The following MTF1 variants were observed in gnomAD, a reference collection of about 807,000 sequenced individuals.
MTF1 encodes metal regulatory transcription factor 1.
A neutral mutation model predicts 70.4 loss-of-function variants in MTF1; 22 were observed. That is an observed-to-expected ratio of 0.31 (90% CI 0.22 to 0.45). The LOEUF is 0.45. Ranked by LOEUF, MTF1 falls within the 20% of genes least tolerant of loss-of-function variation. The pLI is 1.00. For synonymous variants in MTF1, 333 were observed against 352.8 expected, an observed-to-expected ratio of 0.94 and a Z score of 0.63; for missense variants, 649 against 922.0, an observed-to-expected ratio of 0.70 and a Z score of 3.83.
intron 7 of MTF1, among the ~76,000 whole-genome samples, chr1:37,827,632 G>C (rs1351632749): frequency 2.0e-5 from 3 of 151,866 alleles, no homozygotes; most frequent in Non-Finnish European, 4.4e-5. Context: ...AAAGTGCTGG[G>C]ATTACAGGCG....
rs1406331409 is a variant in MTF1 at position 37,811,529 on chromosome 1, G to A, written c.*3607C>T. Reference sequence around the variant, plus strand: ...ACACACAAAAGAAATTGCAGCAATCGGGTTAAAGATAAAATAACCTAAAGT... The same window carrying A: ...ACACACAAAAGAAATTGCAGCAATCAGGTTAAAGATAAAATAACCTAAAGT... On this transcript the variant is annotated 3_prime_UTR_variant, in exon 11 of 11. Transcript: ENST00000373036. The A allele has an allele frequency of 1.3e-5, 2 of 152,442 alleles. No individual in the cohort carries two copies. Among genetic ancestry groups the A allele is most frequent in the African/African-American group, 4.8e-5 (2 of 41,404 alleles). The allele number at this position is 152,442 out of a possible 1,614,324, so 9.4% of individuals were successfully genotyped here.
chr1:37,823,209 G>A (rs1640945601), intron 8 of MTF1, among the ~76,000 whole-genome samples: 1 of 152,064 alleles, frequency 6.6e-6, no homozygotes, highest in South Asian at 2.1e-4. Flanking sequence ...GCTGAGGCGG[G>A]TGGATTGCCT....
intron 3 of MTF1, 138 bp from the exon 4 acceptor site, chr1:37,838,894 T>C (rs1641213972): frequency 3.3e-6 from 2 of 611,022 alleles, no homozygotes; most frequent in African/African-American, 1.8e-5. Context: ...AACCTCCTCC[T>C]GCTAGGTTCA....
intron 4 of MTF1, 107 bp from the exon 5 acceptor site, chr1:37,835,851 A>C: frequency 1.1e-6 from 1 of 908,446 alleles, no homozygotes; most frequent in Non-Finnish European, 1.7e-6. Context: ...CCAAGGCTGG[A>C]GTGCAGTGGC....
In MTF1 at chr1:37,826,589, G is replaced by A. The variant is rs1384945183; in HGVS notation, c.1069-2777C>T. The A allele has an allele frequency of 1.1e-5, 5 of 453,940 alleles. 1 individual carries two copies. The highest frequency in any genetic ancestry group is 4.7e-5 in the Admixed American group (2 of 42,222). 28.1% of individuals were successfully genotyped at this position (453,940 alleles called of 1,614,324 possible). A position where few individuals can be genotyped will look rare whatever the true frequency, so the allele number is the denominator to read the frequency against. Reference sequence around the variant, plus strand: ...CCACCAGCTGATGATTCTCTTCTACGTCTATCAGCTGAAGGAGGGGAAATT... The same window carrying A: ...CCACCAGCTGATGATTCTCTTCTACATCTATCAGCTGAAGGAGGGGAAATT... On this transcript the variant is annotated intron_variant, in intron 7 of 10. Coordinates refer to ENST00000373036, the MANE Select transcript of MTF1 (RefSeq NM_005955.3).
chr1:37,859,159 C>A (rs1488026116), intron 1 of MTF1, among the ~76,000 whole-genome samples: 1 of 152,156 alleles, frequency 6.6e-6, no homozygotes, highest in Non-Finnish European at 1.5e-5. Context: ...TCGGCGGCAA[C>A]GCGGAGACCA....
In MTF1 at chr1:37,813,747, T is replaced by C. The variant is rs989660621; in HGVS notation, c.*1389A>G. The stretch of plus-strand genomic sequence containing the variant: ...GTCAGCACTCATGACTATGTTAATA[T>C]AGCCTGTTGAGGGAAACTTTTCATG... On this transcript the variant is annotated 3_prime_UTR_variant, in exon 11 of 11. Coordinates refer to ENST00000373036, the MANE Select transcript of MTF1 (RefSeq NM_005955.3). 6.6e-6 allele frequency: 1 copy of C among 152,392 alleles called. No homozygotes were observed. The highest frequency in any genetic ancestry group is 1.5e-5 in the Non-Finnish European group (1 of 68,056). 9.4% of individuals were successfully genotyped at this position (152,392 alleles called of 1,614,324 possible). A position where few individuals can be genotyped will look rare whatever the true frequency, so the allele number is the denominator to read the frequency against.
At position 37,834,664 on chromosome 1, in the gene MTF1, A is replaced by G. The variant is rs958808173; in HGVS notation, c.990+415T>C. 32 of 458,360 alleles carry G rather than the reference A, an allele frequency of 7.0e-5. 1 individual carries two copies. Among genetic ancestry groups the G allele is most frequent in the Non-Finnish European group, 1.4e-4 (31 of 228,554 alleles). 28.4% of individuals were successfully genotyped at this position (458,360 alleles called of 1,614,324 possible). A position where few individuals can be genotyped will look rare whatever the true frequency, so the allele number is the denominator to read the frequency against. ...TTATTGCAATAATCCAGGCAAAAAG[A>G]CAACAGTAGACTGAATGAAGTAATC... On this transcript the variant is annotated intron_variant, in intron 6 of 10. Transcript: ENST00000373036.
intron 4 of MTF1, among the ~76,000 whole-genome samples, chr1:37,836,660 A>G (rs1240708167): frequency 1.3e-5 from 2 of 152,148 alleles, no homozygotes; most frequent in Non-Finnish European, 1.5e-5. Context: ...TAGAGTGTAA[A>G]CTACTTGAGT....
intron 2 of MTF1, among the ~76,000 whole-genome samples, chr1:37,844,365 G>A (rs569248158): frequency 2.0e-5 from 3 of 151,952 alleles, no homozygotes; most frequent in Admixed American, 1.3e-4. Context: ...TTCCTTTAAC[G>A]CGAGCCTCAG....
At chr1:37,859,099 G>A (rs1641553422) in intron 1 of MTF1, among the ~76,000 whole-genome samples, 1 of 152,238 alleles carries the variant, frequency 6.6e-6, no homozygotes, top group African/African-American at 2.4e-5. Context: ...CGCTGCATCT[G>A]AGCAGAGAGA....
intron 2 of MTF1, among the ~76,000 whole-genome samples, chr1:37,849,953 C>T (rs1409045954): frequency 6.6e-6 from 1 of 152,124 alleles, no homozygotes; most frequent in Non-Finnish European, 1.5e-5. Context: ...AGTAGAAAGG[C>T]CTTAAAGGGC....
At chr1:37,855,056 T>C (rs370367318) in intron 2 of MTF1, among the ~76,000 whole-genome samples, 9 of 151,798 alleles carry the variant, frequency 5.9e-5, no homozygotes, top group African/African-American at 1.9e-4. Context: ...CAAAACTCCA[T>C]CTCAAAAAAA....
At position 37,811,973 on chromosome 1, in the gene MTF1, G is replaced by A. The variant is rs1640744355; in HGVS notation, c.*3163C>T. The A allele has an allele frequency of 6.5e-6, 1 of 152,730 alleles. No individual in the cohort carries two copies. The allele number at this position is 152,730 out of a possible 1,614,324, so 9.5% of individuals were successfully genotyped here. Reference sequence around the variant, plus strand: ...GGGAAGGGCCAAGTTCACTAAGGCAGTTTGGTGGTGCCAGCCAGTTTCCTT... The same window carrying A: ...GGGAAGGGCCAAGTTCACTAAGGCAATTTGGTGGTGCCAGCCAGTTTCCTT... On this transcript the variant is annotated 3_prime_UTR_variant, in exon 11 of 11. Coordinates refer to ENST00000373036, the MANE Select transcript of MTF1 (RefSeq NM_005955.3).
At chr1:37,856,170 C>CTTTTTT (rs869062644) in intron 2 of MTF1, among the ~76,000 whole-genome samples, 42 of 74,186 alleles carry the variant, frequency 5.7e-4, no homozygotes, top group African/African-American at 1.1e-3. Context: ...CCTGAATTTC[C>CTTTTTT]TTTTTTTTTT....
intron 6 of MTF1, chr1:37,834,656 G>A: frequency 2.2e-6 from 1 of 457,600 alleles, no homozygotes; most frequent in Non-Finnish European, 4.4e-6. Context: ...AATAATCCAG[G>A]CAAAAAGACA....
chr1:37,842,846 T>C (rs892117795), intron 2 of MTF1, among the ~76,000 whole-genome samples: 1 of 151,964 alleles, frequency 6.6e-6, no homozygotes, highest in Non-Finnish European at 1.5e-5. Context: ...AGATAAAGAC[T>C]GGGGAAGTGA....
chr1:37,832,548 T>G (rs1318681142), intron 6 of MTF1, among the ~76,000 whole-genome samples: 2 of 152,222 alleles, frequency 1.3e-5, no homozygotes, highest in Non-Finnish European at 2.9e-5. Context: ...TGTTACATTA[T>G]GTATACATGT....
At chr1:37,819,726 C>T (rs936444247) in intron 9 of MTF1, among the ~76,000 whole-genome samples, 2 of 151,768 alleles carry the variant, frequency 1.3e-5, no homozygotes, top group Non-Finnish European at 2.9e-5. Context: ...CCGAGGTGGG[C>T]GAATCACCTG....
Sources: allele counts gnomAD v4.1 joint callset (sites outside exome capture counted in the v4.1 genomes callset), GRCh38; gene constraint gnomAD v4.1.1; transcripts MANE v1.5; gene names NCBI Gene and HGNC (gene_info 2026-07-23, HGNC 2026-07-21).